Variants in NECTIN2 observed in about 807,000 individuals in gnomAD.
NECTIN2 encodes nectin-2.
A neutral mutation model predicts 56.9 loss-of-function variants in NECTIN2; 23 were observed. The ratio of observed to expected loss-of-function variants is 0.40; its 90% CI spans 0.29 to 0.57. NECTIN2 has a LOEUF of 0.57. NECTIN2 is among the 20% of genes least tolerant of loss of function. The pLI is 0.38. For missense variants in NECTIN2, 587 were observed against 718.3 expected, an observed-to-expected ratio of 0.82 and a Z score of 2.09; for synonymous variants, 302 against 313.8, an observed-to-expected ratio of 0.96 and a Z score of 0.40.
intron 2 of NECTIN2, among the ~76,000 whole-genome samples, chr19:44,868,104 G>A (rs914102817): frequency 2.0e-5 from 3 of 151,970 alleles, no homozygotes; most frequent in African/African-American, 4.8e-5. Flanking sequence ...GCTCACGCCT[G>A]TAATCCCAGC....
intron 1 of NECTIN2, among the ~76,000 whole-genome samples, chr19:44,846,888 A>C (rs1599903598): frequency 2.1e-5 from 3 of 143,962 alleles, no homozygotes; most frequent in South Asian, 2.3e-4. Flanking sequence ...CCCCCTCCCC[A>C]TTTCTCGGAT....
rs748789497 is a variant in NECTIN2 at position 44,878,409 on chromosome 19, C to G, written c.1043-3802C>G. On this transcript the variant is annotated intron_variant, in intron 5 of 8. Transcript: ENST00000252483. ...AGTGGCGACGGGGGATTCTACGATC[C>G]GAAAGCTCAGGTGTTGGGAAATGGG... is the stretch of plus-strand genomic sequence containing the variant. 5 of 1,567,592 alleles carry G rather than the reference C, an allele frequency of 3.2e-6. No homozygotes were observed. In the East Asian group the frequency reaches 7.0e-5, roughly 22 times the overall value.
chr19:44,850,458 A>G (rs1968886831), intron 1 of NECTIN2, among the ~76,000 whole-genome samples: 1 of 152,126 alleles, frequency 6.6e-6, no homozygotes, highest in African/African-American at 2.4e-5. Flanking sequence ...CAGCCTGGGC[A>G]ACACGGCGAA....
At chr19:44,868,019 G>A (rs1568593025) in intron 2 of NECTIN2, among the ~76,000 whole-genome samples, 1 of 152,042 alleles carries the variant, frequency 6.6e-6, no homozygotes, top group Non-Finnish European at 1.5e-5. Context: ...GTTTTTAGAA[G>A]ATAGTAGGTG....
At chr19:44,878,918 TA>T in intron 5 of NECTIN2, 2 of 1,208,142 alleles carry the variant, frequency 1.7e-6, no homozygotes, top group Non-Finnish European at 2.1e-6. Flanking sequence ...CAGGAGTTAA[TA>T]AATGCCTTGG....
intron 2 of NECTIN2, among the ~76,000 whole-genome samples, chr19:44,869,344 G>A (rs1278962488): frequency 1.3e-5 from 2 of 152,132 alleles, no homozygotes; most frequent in African/African-American, 2.4e-5. Flanking sequence ...TGTAATCCCA[G>A]CACTTTGGGA....
chr19:44,882,314 C>T lies in NECTIN2; in HGVS notation c.1146C>T (p.Cys382=), dbSNP rs1381087421. Residue 382 remains cysteine, a synonymous_variant, in exon 6 of 9, where the codon TGC becomes TGT. Transcript: ENST00000252483. Reference sequence around the variant, plus strand: ...TGGCTGCCACGGGCATCCTTATCTGCCGGCAGCAGCGGAAGGAGCAGACGC... The same window carrying T: ...TGGCTGCCACGGGCATCCTTATCTGTCGGCAGCAGCGGAAGGAGCAGACGC... ...TAVAATGILI[C]RQQRKEQTLQ... is the part of the protein sequence containing the mutation. The T allele has an allele frequency of 1.9e-6, 3 of 1,548,194 alleles. No homozygotes were observed. Among genetic ancestry groups the T allele is most frequent in the South Asian group, 1.2e-5 (1 of 83,238 alleles).
Position 44,874,322 on chromosome 19 carries a change from C to A in NECTIN2, c.894-8C>A. Reference sequence around the variant, plus strand: ...GTATCCCTCTCACCTGACCCCACACCCCTCCAGGACCTCAGGCACCTTCCC... The same window carrying A: ...GTATCCCTCTCACCTGACCCCACACACCTCCAGGACCTCAGGCACCTTCCC... On this transcript the variant is annotated splice_region_variant and splice_polypyrimidine_tract_variant and intron_variant, in intron 4 of 8. Coordinates refer to ENST00000252483, the MANE Select transcript of NECTIN2 (RefSeq NM_001042724.2). This position sits in a 1 kb window ranked among gnomAD's most constrained non-coding sequence, Gnocchi z 6.3. The A allele has an allele frequency of 6.2e-7, 1 of 1,613,822 alleles. No individual in the cohort carries two copies. Among genetic ancestry groups the A allele is most frequent in the South Asian group, 1.1e-5 (1 of 91,078 alleles).
chr19:44,864,899 A>G (rs1431391234), intron 1 of NECTIN2, among the ~76,000 whole-genome samples: 1 of 152,082 alleles, frequency 6.6e-6, no homozygotes, highest in Non-Finnish European at 1.5e-5. Flanking sequence ...AATGGGTGAC[A>G]TATTTTGGTT....
intron 5 of NECTIN2, among the ~76,000 whole-genome samples, chr19:44,879,347 G>A (rs1476849174): frequency 1.3e-5 from 2 of 152,102 alleles, no homozygotes; most frequent in Non-Finnish European, 2.9e-5. Context: ...TGCGTCCTGA[G>A]AGAATGAGGC....
intron 2 of NECTIN2, among the ~76,000 whole-genome samples, chr19:44,870,110 G>A (rs1347163925): frequency 1.3e-5 from 2 of 152,204 alleles, no homozygotes; most frequent in African/African-American, 2.4e-5. Context: ...TGCCCTTGAC[G>A]AAGTGGGGCT....
Position 44,874,610 on chromosome 19 carries a change from G to A in NECTIN2, c.1042+132G>A. Reference sequence around the variant, plus strand: ...GAGGGATGCAGACCTGCCTGGCTGAGGGGAGATGAGGGTTGGCCTTCCCCT... The same window carrying A: ...GAGGGATGCAGACCTGCCTGGCTGAAGGGAGATGAGGGTTGGCCTTCCCCT... On this transcript the variant is annotated intron_variant, in intron 5 of 8. Transcript: ENST00000252483. This position sits in a 1 kb window ranked among gnomAD's most constrained non-coding sequence, Gnocchi z 6.3. 2 of 1,157,054 alleles carry A rather than the reference G, an allele frequency of 1.7e-6. No individual in the cohort carries two copies. The highest frequency in any genetic ancestry group is 2.4e-6 in the Non-Finnish European group (2 of 816,504). 71.7% of individuals were successfully genotyped at this position (1,157,054 alleles called of 1,614,324 possible). A position where few individuals can be genotyped will look rare whatever the true frequency, so the allele number is the denominator to read the frequency against.
chr19:44,863,175 A>C (rs1969054413), intron 1 of NECTIN2, among the ~76,000 whole-genome samples: 1 of 151,678 alleles, frequency 6.6e-6, no homozygotes, highest in South Asian at 2.1e-4. Flanking sequence ...AAAAAGAAAA[A>C]TTGACTGTTG....
chr19:44,876,585 C>G (rs749484039), intron 5 of NECTIN2, among the ~76,000 whole-genome samples: 27 of 152,138 alleles, frequency 1.8e-4, no homozygotes, highest in Non-Finnish European at 2.2e-4. Flanking sequence ...GAGACACACT[C>G]AAAGCTCCTG....
intron 5 of NECTIN2, among the ~76,000 whole-genome samples, chr19:44,876,652 C>T (rs1022910427): frequency 2.0e-5 from 3 of 152,128 alleles, no homozygotes; most frequent in Admixed American, 6.6e-5. Flanking sequence ...CACACAGAGT[C>T]GTCACAGAGA....
At chr19:44,884,640 C>A (rs916441273) in intron 6 of NECTIN2, among the ~76,000 whole-genome samples, 1 of 152,170 alleles carries the variant, frequency 6.6e-6, no homozygotes, top group Non-Finnish European at 1.5e-5. Context: ...GAGGAGGAGA[C>A]AAAACTGTCT....
intron 1 of NECTIN2, among the ~76,000 whole-genome samples, chr19:44,858,242 G>C (rs1417840019): frequency 6.6e-6 from 1 of 151,958 alleles, no homozygotes; most frequent in Non-Finnish European, 1.5e-5. Context: ...TGTTTGACTT[G>C]TTTCCCCCAA....
chr19:44,865,249 ACT>A lies in NECTIN2; in HGVS notation c.89-17_89-16del, dbSNP rs1459136530. On this transcript the variant is annotated intron_variant, in intron 1 of 8. Coordinates refer to ENST00000252483, the MANE Select transcript of NECTIN2 (RefSeq NM_001042724.2). This position sits in a 1 kb window ranked among gnomAD's most constrained non-coding sequence, Gnocchi z 5.2. ...GGTCCCTCCCCCACCCGACTACTTC[ACT>A]CTCTGTCCTCTCTGCCCAGGAGCCC... The A allele has an allele frequency of 3.2e-6, 5 of 1,584,448 alleles. No individual in the cohort carries two copies. In the African/African-American group the frequency reaches 6.7e-5, roughly 21 times the overall value.
At chr19:44,853,513 G>C (rs1968926975) in intron 1 of NECTIN2, among the ~76,000 whole-genome samples, 1 of 141,906 alleles carries the variant, frequency 7.0e-6, no homozygotes, top group African/African-American at 2.7e-5. Context: ...TTTTGAGATG[G>C]AGTCTCACTC....
Sources: allele counts gnomAD v4.1 joint callset (sites outside exome capture counted in the v4.1 genomes callset), GRCh38; gene constraint gnomAD v4.1.1; non-coding constraint Gnocchi (gnomAD v3.1); transcripts MANE v1.5; gene names NCBI Gene and HGNC (gene_info 2026-07-23, HGNC 2026-07-21).